SLC15A1: variants seen among roughly 807,000 people sequenced by gnomAD.
SLC15A1 encodes the protein Caco-2 oligopeptide transporter.
SLC15A1 carries 83 observed loss-of-function variants against 92.9 expected under a neutral mutation model. The observed-to-expected ratio is 0.89, with a 90% CI of 0.75 to 1.07. The LOEUF (loss-of-function observed/expected upper bound fraction) is 1.07. Ranked by LOEUF, SLC15A1 falls within the 50% of genes least tolerant of loss-of-function variation. SLC15A1 has a pLI of 0.00. For missense variants in SLC15A1, 857 were observed against 880.1 expected (o/e 0.97, Z 0.33); for synonymous variants, 322 against 318.2 (o/e 1.01, Z -0.13).
intron 14 of SLC15A1, among the ~76,000 whole-genome samples, chr13:98,709,337 T>C (rs2088141816): frequency 6.6e-6 from 1 of 152,218 alleles, no homozygotes; most frequent in African/African-American, 2.4e-5. Flanking sequence ...ACCATTCCTA[T>C]CATCTGCGTA....
At chr13:98,741,052 C>A (rs772692088) in intron 1 of SLC15A1, among the ~76,000 whole-genome samples, 15 of 152,084 alleles carry the variant, frequency 9.9e-5, no homozygotes, top group Non-Finnish European at 2.1e-4. Flanking sequence ...CCTTTCCCAC[C>A]CTCGGGGACT....
chr13:98,723,579 CG>C (rs1332776438), intron 5 of SLC15A1, among the ~76,000 whole-genome samples: 1 of 151,904 alleles, frequency 6.6e-6, no homozygotes, highest in Non-Finnish European at 1.5e-5. Context: ...GGACACCTGG[CG>C]GTGTGAAGGA....
intron 17 of SLC15A1, 67 bp from the exon 18 acceptor site, chr13:98,702,596 A>G: frequency 7.8e-7 from 1 of 1,285,252 alleles, no homozygotes; most frequent in African/African-American, 1.5e-5. Context: ...GTTCAGATGA[A>G]TATTTCAGTC....
At chr13:98,725,992 C>A in intron 4 of SLC15A1, 131 bp downstream of exon 4, 1 of 1,189,202 alleles carries the variant, frequency 8.4e-7, no homozygotes, top group Non-Finnish European at 1.2e-6. Context: ...AGGTATGAAC[C>A]ATACCACACC....
chr13:98,705,113 C>G (rs2088101605), intron 16 of SLC15A1, among the ~76,000 whole-genome samples: 1 of 149,746 alleles, frequency 6.7e-6, no homozygotes, highest in African/African-American at 2.5e-5. Context: ...GCATGAGAAT[C>G]GCTTAAACCC....
At chr13:98,710,212 C>T (rs755095676) in intron 11 of SLC15A1, among the ~76,000 whole-genome samples, 3 of 152,144 alleles carry the variant, frequency 2.0e-5, no homozygotes, top group Non-Finnish European at 4.4e-5. Flanking sequence ...TTCTGAGGCT[C>T]GTTGGAAAGC....
At chr13:98,742,386 G>A (rs1184598742) in intron 1 of SLC15A1, among the ~76,000 whole-genome samples, 8 of 152,260 alleles carry the variant, frequency 5.3e-5, no homozygotes, top group Admixed American at 4.6e-4. Flanking sequence ...GCCATCTGTC[G>A]TGTGCTGGAC....
intron 11 of SLC15A1, among the ~76,000 whole-genome samples, chr13:98,711,018 T>A (rs188663559): frequency 6.6e-4 from 101 of 152,132 alleles, no homozygotes; most frequent in African/African-American, 2.2e-3. Flanking sequence ...GACCGGCTCC[T>A]GTCCGCATGC....
intron 1 of SLC15A1, among the ~76,000 whole-genome samples, chr13:98,737,746 C>G (rs1336873325): frequency 1.3e-5 from 2 of 152,094 alleles, no homozygotes; most frequent in Non-Finnish European, 2.9e-5. Flanking sequence ...AAAAATGGTA[C>G]TGAGGAATGG....
intron 1 of SLC15A1, among the ~76,000 whole-genome samples, chr13:98,730,876 A>G (rs1427777725): frequency 6.6e-6 from 1 of 152,164 alleles, no homozygotes; most frequent in Non-Finnish European, 1.5e-5. Flanking sequence ...CAAGGAGCTC[A>G]TCCATGTCCC....
Position 98,704,325 on chromosome 13 carries a change from G to A in SLC15A1, c.1380C>T (p.His460=), listed in dbSNP as rs2088094357. The part of the protein sequence containing the change: ...VTDDFKQGQR[H]TLLVWAPNHY... The stretch of plus-strand genomic sequence containing the variant: ...GATTGGGGGCCCACACTAGAAGCGT[G>A]TGGCGTTGGCCCTGCTTGAAGTCGT... The change falls in exon 17 of 23, where the codon CAC becomes CAT. Residue 460 remains histidine, a synonymous_variant. Transcript: ENST00000376503. 6.2e-7 allele frequency: 1 copy of A among 1,613,464 alleles called. No individual in the cohort carries two copies. Among genetic ancestry groups the A allele is most frequent in the Non-Finnish European group, 8.5e-7 (1 of 1,179,732 alleles).
chr13:98,732,181 G>A (rs929360326), intron 1 of SLC15A1, among the ~76,000 whole-genome samples: 6 of 152,180 alleles, frequency 3.9e-5, no homozygotes, highest in Non-Finnish European at 7.3e-5. Context: ...TCCTGTTTAC[G>A]TTGGTTCCCT....
chr13:98,723,824 TG>T, intron 5 of SLC15A1, 87 bp downstream of exon 5: 1 of 1,572,858 alleles, frequency 6.4e-7, no homozygotes, highest in Non-Finnish European at 8.6e-7. Flanking sequence ...ATGCTCTCAG[TG>T]AAGTTCAAGG....
chr13:98,732,311 C>T (rs998564684), intron 1 of SLC15A1, among the ~76,000 whole-genome samples: 18 of 152,204 alleles, frequency 1.2e-4, no homozygotes, highest in African/African-American at 4.3e-4. Flanking sequence ...TCCCATAGGA[C>T]TGTTCCTTAG....
chr13:98,711,919 T>G lies in SLC15A1; in HGVS notation c.835A>C (p.Met279Leu), dbSNP rs1170331592. ...TACAGGAACATCACCCTCGTAACCATCTTAATTTGGGAGATGAGCCGCTCC... is the reference window on the plus strand; with the variant it reads ...TACAGGAACATCACCCTCGTAACCAGCTTAATTTGGGAGATGAGCCGCTCC... ...YDERLISQIK[M>L]VTRVMFLYIP... The change falls in exon 11 of 23, where the codon ATG becomes CTG. Residue 279 changes from methionine to leucine, a missense_variant. Coordinates refer to ENST00000376503, the MANE Select transcript of SLC15A1 (RefSeq NM_005073.4). 3 of 1,612,666 alleles carry G rather than the reference T, an allele frequency of 1.9e-6. No homozygotes were observed. The highest frequency in any genetic ancestry group is 2.5e-6 in the Non-Finnish European group (3 of 1,179,868).
At chr13:98,723,136 C>T (rs2088273191) in intron 5 of SLC15A1, among the ~76,000 whole-genome samples, 1 of 152,116 alleles carries the variant, frequency 6.6e-6, no homozygotes, top group Non-Finnish European at 1.5e-5. Context: ...GAACACCTCC[C>T]CAAGGCCACA....
chr13:98,709,506 C>T lies in SLC15A1; in HGVS notation c.1067+66G>A, dbSNP rs1173804071. ...GTTGCGGGAAGGGCTGCAGGCTGAG[C>T]GCAGCCCATCTGCAAAGCCCTGGGA... On this transcript the variant is annotated intron_variant, in intron 14 of 22. Transcript: ENST00000376503. 9 of 1,312,096 alleles carry T rather than the reference C, an allele frequency of 6.9e-6. No individual in the cohort carries two copies. In the East Asian group the frequency reaches 9.2e-5, roughly 13 times the overall value. The allele number at this position is 1,312,096 out of a possible 1,614,324, so 81.3% of individuals were successfully genotyped here.
Position 98,708,791 on chromosome 13 carries a change from C to T in SLC15A1, c.1068-24G>A, listed in dbSNP as rs8187834. ...AGCTGATGGCACAAGAGAAGAGTGA[C>T]TCTCAACCAGTTTCACATAGATGAG... On this transcript the variant is annotated intron_variant, in intron 14 of 22. Coordinates refer to ENST00000376503, the MANE Select transcript of SLC15A1 (RefSeq NM_005073.4). The T allele has an allele frequency of 3.3e-5, 52 of 1,587,190 alleles. No individual in the cohort carries two copies. The East Asian group carries it at 5.0e-4, about 15-fold the overall frequency.
At position 98,730,006 on chromosome 13, in the gene SLC15A1, A is replaced by C. The variant is rs112641825; in HGVS notation, c.5-3147T>G. ...GATCACTTGAGGTCAGGAGTTGGAG[A>C]CCAGCCTGGCCAACATGGTGAAACC... On this transcript the variant is annotated intron_variant, in intron 1 of 22. Coordinates refer to ENST00000376503, the MANE Select transcript of SLC15A1 (RefSeq NM_005073.4). 5.2e-3 allele frequency among the ~76,000 whole-genome samples: 786 copies of C among 152,008 alleles called. 8 individuals carry two copies. Among genetic ancestry groups the C allele is most frequent in the African/African-American group, 0.018 (749 of 41,478 alleles).
Sources: allele counts gnomAD v4.1 joint callset (sites outside exome capture counted in the v4.1 genomes callset), GRCh38; gene constraint gnomAD v4.1.1; transcripts MANE v1.5; gene names NCBI Gene and HGNC (gene_info 2026-07-23, HGNC 2026-07-21).